TENM3: variants seen among roughly 807,000 people sequenced by gnomAD.
TENM3 encodes the protein teneurin transmembrane protein 3.
A neutral mutation model predicts 255.1 loss-of-function variants in TENM3; 63 were observed. That is an observed-to-expected ratio of 0.25 (90% CI 0.20 to 0.30). The LOEUF is 0.30. Among genes scored for constraint, TENM3 ranks in the 10% least tolerant of loss-of-function variants. TENM3 has a pLI of 1.00. For missense variants in TENM3, 2,929 were observed against 3,461.1 expected (o/e 0.85, Z 3.86); for synonymous variants, 1,306 against 1,322.3 (o/e 0.99, Z 0.27).
At chr4:182,152,415 C>T (rs906808475) in intron 1 of TENM3, among the ~76,000 whole-genome samples, 1 of 151,848 alleles carries the variant, frequency 6.6e-6, no homozygotes, top group African/African-American at 2.4e-5. Flanking sequence ...ACCTGTCAAA[C>T]CAGAAATGAG....
intron 1 of TENM3, among the ~76,000 whole-genome samples, chr4:182,249,879 C>T (rs1016590483): frequency 6.6e-6 from 1 of 151,992 alleles, no homozygotes; most frequent in African/African-American, 2.4e-5. Context: ...ATCCTCCACC[C>T]AGCCTCCCGA....
the TENM3 span, among the ~76,000 whole-genome samples, chr4:181,678,215 A>C: frequency 5.9e-5 from 9 of 152,128 alleles, no homozygotes; most frequent in South Asian, 2.1e-4. Context: ...ATATATGTAC[A>C]TTTTGAATTG....
chr4:181,518,463 T>C, the TENM3 span, among the ~76,000 whole-genome samples: 1 of 152,200 alleles, frequency 6.6e-6, no homozygotes, highest in Non-Finnish European at 1.5e-5. Context: ...AGTCTCACTC[T>C]GTCACCCAGG....
intron 24 of TENM3, among the ~76,000 whole-genome samples, chr4:182,788,319 A>G (rs1417403040): frequency 6.6e-6 from 1 of 152,168 alleles, no homozygotes; most frequent in Non-Finnish European, 1.5e-5. Flanking sequence ...CCACATTTCT[A>G]TTGCAATAAT....
At chr4:182,193,319 G>A (rs949265982) in intron 1 of TENM3, among the ~76,000 whole-genome samples, 8 of 152,080 alleles carry the variant, frequency 5.3e-5, no homozygotes, top group East Asian at 1.9e-4. Context: ...TCCTTTGCCC[G>A]TTATATGTTC....
the TENM3 span, among the ~76,000 whole-genome samples, chr4:181,541,591 G>T: frequency 6.6e-6 from 1 of 152,072 alleles, no homozygotes; most frequent in Non-Finnish European, 1.5e-5. Flanking sequence ...GCATCCTATT[G>T]CAGAGAAGTT....
chr4:181,751,433 A>T, the TENM3 span, among the ~76,000 whole-genome samples: 1 of 144,990 alleles, frequency 6.9e-6, no homozygotes, highest in Non-Finnish European at 1.5e-5. Context: ...AAAAAAAAAA[A>T]CAAGAAACTG....
chr4:182,295,958 T>C (rs536913353), intron 1 of TENM3, among the ~76,000 whole-genome samples: 3 of 152,194 alleles, frequency 2.0e-5, no homozygotes, highest in African/African-American at 7.2e-5. Context: ...ATTATTTTTT[T>C]ATTTATTTTT....
At chr4:181,809,435 C>G in the TENM3 span, among the ~76,000 whole-genome samples, 1 of 152,068 alleles carries the variant, frequency 6.6e-6, no homozygotes, top group South Asian at 2.1e-4. Flanking sequence ...ATCCACGGTT[C>G]GGGTGTTTGT....
At chr4:181,816,823 AT>A in the TENM3 span, among the ~76,000 whole-genome samples, 5 of 152,216 alleles carry the variant, frequency 3.3e-5, no homozygotes, top group Non-Finnish European at 7.3e-5. Flanking sequence ...TGCTTAAGTT[AT>A]AGTCTTATCC....
rs796728957 is a variant in TENM3 at position 182,161,791 on chromosome 4, A to T, written c.-76+17037A>T. On this transcript the variant is annotated intron_variant, in intron 1 of 2. Transcript: ENST00000512480. The stretch of plus-strand genomic sequence containing the variant: ...TGTGTATATATATATACACAAATAT[A>T]TGTATATATATACACATATATATGT... 7.6e-4 allele frequency among the ~76,000 whole-genome samples: 26 copies of T among 34,280 alleles called. 1 individual carries two copies. The highest frequency in any genetic ancestry group is 1.8e-3 in the East Asian group (1 of 544). 22.5% of individuals were successfully genotyped at this position (34,280 alleles called of 152,430 possible).
chr4:181,765,152 T>C, the TENM3 span, among the ~76,000 whole-genome samples: 1 of 152,256 alleles, frequency 6.6e-6, no homozygotes, highest in African/African-American at 2.4e-5. Context: ...CTGAGCTTTG[T>C]GTTTTTCCCA....
upstream of TENM3, chr4:182,144,608 G>A (rs1222540653): frequency 1.4e-5 from 2 of 142,552 alleles, no homozygotes; most frequent in East Asian, 2.2e-4. Context: ...CCGCCCCGCC[G>A]GCGCCCGCTC....
chr4:181,853,608 T>C, the TENM3 span, among the ~76,000 whole-genome samples: 1 of 152,244 alleles, frequency 6.6e-6, no homozygotes, highest in East Asian at 1.9e-4. Context: ...TTTTTCTGAA[T>C]AAGGGTGGGA....
At chr4:181,783,501 T>C in the TENM3 span, among the ~76,000 whole-genome samples, 1 of 152,178 alleles carries the variant, frequency 6.6e-6, no homozygotes, top group Admixed American at 6.5e-5. Context: ...TTATTTTTTC[T>C]TTTCAAGGCT....
the TENM3 span, among the ~76,000 whole-genome samples, chr4:181,825,481 A>G: frequency 6.6e-6 from 1 of 152,082 alleles, no homozygotes; most frequent in Admixed American, 6.5e-5. Context: ...AGAAAACTAA[A>G]TCAGGTCTTT....
At chr4:182,650,603 T>C (rs1361009815) in intron 5 of TENM3, among the ~76,000 whole-genome samples, 5 of 149,512 alleles carry the variant, frequency 3.3e-5, no homozygotes, top group Admixed American at 2.7e-4. Flanking sequence ...TTTCTCTCCT[T>C]CTTCTCGTCT....
the TENM3 span, among the ~76,000 whole-genome samples, chr4:182,097,866 A>G: frequency 5.3e-5 from 8 of 152,152 alleles, no homozygotes; most frequent in African/African-American, 1.9e-4. Context: ...AAAAAAAATG[A>G]AGCCCCCAAA....
At chr4:182,347,153 A>T in intron 3 of TENM3, among the ~76,000 whole-genome samples, 1 of 152,122 alleles carries the variant, frequency 6.6e-6, no homozygotes, top group East Asian at 1.9e-4. Flanking sequence ...TCAGATTGTT[A>T]AATTAGGCAA....
Sources: allele counts gnomAD v4.1 joint callset (sites outside exome capture counted in the v4.1 genomes callset), GRCh38; gene constraint gnomAD v4.1.1; transcripts MANE v1.5; gene names NCBI Gene and HGNC (gene_info 2026-07-23, HGNC 2026-07-21).